The following MBNL1 variants were observed in gnomAD, a reference collection of about 807,000 sequenced individuals.
MBNL1 encodes the protein muscleblind-like protein 1.
Under a neutral mutation model 42.2 loss-of-function variants are expected in MBNL1, and 8 were observed. The observed-to-expected ratio is 0.19, with a 90% confidence interval of 0.11 to 0.34. The LOEUF (loss-of-function observed/expected upper bound fraction) is 0.34, where lower values mean the gene tolerates loss of function less well. Ranked by LOEUF, MBNL1 falls within the 10% of genes least tolerant of loss-of-function variation. The pLI, the probability that MBNL1 is intolerant of heterozygous loss-of-function variation, is 1.00. For synonymous variants in MBNL1, 169 were observed against 173.9 expected (o/e 0.97, Z 0.22); for missense variants, 309 against 495.3 (o/e 0.62, Z 3.57).
At chr3:152,374,201 T>A (rs2096799270) in intron 2 of MBNL1, among the ~76,000 whole-genome samples, 1 of 152,228 alleles carries the variant, frequency 6.6e-6, no homozygotes, top group Admixed American at 6.5e-5. Flanking sequence ...TGTACAGTGA[T>A]TTATTATTTG....
intron 2 of MBNL1, among the ~76,000 whole-genome samples, chr3:152,358,251 ACTT>A (rs2095668817): frequency 6.6e-6 from 1 of 152,148 alleles, no homozygotes; most frequent in Non-Finnish European, 1.5e-5. Flanking sequence ...AAGTTTATTC[ACTT>A]CTTATAAATA....
At chr3:152,432,973 T>C (rs2099025715) in intron 4 of MBNL1, 53 bp downstream of exon 4, 1 of 1,519,668 alleles carries the variant, frequency 6.6e-7, no homozygotes, top group African/African-American at 1.4e-5. Flanking sequence ...TCTCAAAGTG[T>C]GGTTTTTTGT....
intron 2 of MBNL1, among the ~76,000 whole-genome samples, chr3:152,352,200 A>G (rs1171444767): frequency 5.3e-5 from 8 of 152,362 alleles, no homozygotes; most frequent in South Asian, 2.1e-4. Flanking sequence ...GGAAAAATAG[A>G]AAGATAAGAC....
At chr3:152,426,491 A>T (rs2098933719) in intron 3 of MBNL1, among the ~76,000 whole-genome samples, 1 of 152,242 alleles carries the variant, frequency 6.6e-6, no homozygotes, top group Admixed American at 6.5e-5. Context: ...TAGGCTGTAT[A>T]TCATGGCTTG....
chr3:152,318,467 C>G lies in MBNL1; in HGVS notation c.174+18100C>G, dbSNP rs189390778. ...TTTTATTTCATTAGTACAAATAAAA[C>G]TGCATTTTATTTGTTCTAATGATAA... On this transcript the variant is annotated intron_variant, in intron 2 of 9. Transcript: ENST00000324210. 2.2e-3 allele frequency among the ~76,000 whole-genome samples: 336 copies of G among 152,172 alleles called. 1 individual carries two copies. The highest frequency in any genetic ancestry group is 7.7e-3 in the African/African-American group (320 of 41,532).
intron 2 of MBNL1, among the ~76,000 whole-genome samples, chr3:152,332,637 CAG>C (rs1305117493): frequency 6.6e-6 from 1 of 151,102 alleles, no homozygotes; most frequent in East Asian, 1.9e-4. Context: ...TAAATTCTGA[CAG>C]AGGGGAGGTG....
Position 152,261,176 on chromosome 3 carries a change from C to G in MBNL1, n.333+16736C>G, listed in dbSNP as rs892207295. 5.3e-5 allele frequency among the ~76,000 whole-genome samples: 8 copies of G among 152,178 alleles called. No individual in the cohort carries two copies. The East Asian group carries it at 1.5e-3, about 29-fold the overall frequency. ...AAAAAAGATACAGACGCTTGGATGCCCCTCCCAGAAATTTTGATTTAATTT... is the reference window on the plus strand; with the variant it reads ...AAAAAAGATACAGACGCTTGGATGCGCCTCCCAGAAATTTTGATTTAATTT... On this transcript the variant is annotated intron_variant and non_coding_transcript_variant, in intron 2 of 2. Coordinates refer to the MBNL1 transcript ENST00000477171.
Position 152,351,278 on chromosome 3 carries a change from A to C in MBNL1, c.174+50911A>C, listed in dbSNP as rs575189403. On this transcript the variant is annotated intron_variant, in intron 2 of 9. Coordinates refer to ENST00000324210, the MANE Select transcript of MBNL1 (RefSeq NM_021038.5). ...GTTAAATGCCATGGTTTATACCACT[A>C]TGTCAAACAAATGAGATTTCATTAT... 2.6e-5 allele frequency among the ~76,000 whole-genome samples: 4 copies of C among 152,328 alleles called. No homozygotes were observed. The South Asian group carries it at 8.3e-4, about 32-fold the overall frequency.
intron 2 of MBNL1, among the ~76,000 whole-genome samples, chr3:152,306,515 CAAA>C (rs1215684046): frequency 6.6e-6 from 1 of 152,176 alleles, no homozygotes; most frequent in Non-Finnish European, 1.5e-5. Flanking sequence ...TCCTTTTAAG[CAAA>C]GGTTCTCTGA....
intron 2 of MBNL1, among the ~76,000 whole-genome samples, chr3:152,346,303 T>C (rs2094224541): frequency 6.6e-6 from 1 of 152,136 alleles, no homozygotes; most frequent in African/African-American, 2.4e-5. Flanking sequence ...TCAAAATAGA[T>C]TGTGCATCTC....
intron 2 of MBNL1, among the ~76,000 whole-genome samples, chr3:152,355,418 T>A (rs1484824954): frequency 6.6e-6 from 1 of 152,190 alleles, no homozygotes; most frequent in African/African-American, 2.4e-5. Context: ...CAAATAAAAA[T>A]CAGAGTGAAT....
At chr3:152,347,349 G>A (rs1383864837) in intron 2 of MBNL1, among the ~76,000 whole-genome samples, 1 of 151,892 alleles carries the variant, frequency 6.6e-6, no homozygotes, top group African/African-American at 2.4e-5. Flanking sequence ...AGCATTAATT[G>A]ACACTTTAAA....
intron 2 of MBNL1, among the ~76,000 whole-genome samples, chr3:152,347,775 A>G (rs1204086337): frequency 6.6e-6 from 1 of 152,144 alleles, no homozygotes; most frequent in Non-Finnish European, 1.5e-5. Flanking sequence ...TAATAAAGAT[A>G]ATGCACAGCA....
intron 2 of MBNL1, among the ~76,000 whole-genome samples, chr3:152,342,553 A>AACACACACACACACACACAC (rs111644138): frequency 1.0e-3 from 151 of 146,104 alleles, no homozygotes; most frequent in African/African-American, 3.3e-3. Flanking sequence ...AACTAAACAA[A>AACACACACACACACACACAC]ACACACACAC....
At chr3:152,439,014 A>G (rs1329284712) in intron 4 of MBNL1, among the ~76,000 whole-genome samples, 1 of 152,182 alleles carries the variant, frequency 6.6e-6, no homozygotes. Flanking sequence ...AGCAGTCTAT[A>G]TGAGAAAAGC....
rs149804210 is a variant in MBNL1, at chr3:152,293,963, A to G, written c.-789-5442A>G. Among the ~76,000 whole-genome samples, 846 of 152,048 alleles carry G rather than the reference A, an allele frequency of 5.6e-3. 15 individuals are homozygous for G. The highest frequency in any genetic ancestry group is 0.049 in the East Asian group (255 of 5,188). The stretch of plus-strand genomic sequence containing the variant: ...TAGGCATTCATATGAAGCCATATAT[A>G]TATATATGTAATTTTTAAGAATAAT... On this transcript the variant is annotated intron_variant, in intron 1 of 9. Transcript: ENST00000324210.
At chr3:152,306,989 CTTAT>C (rs1386965277) in intron 2 of MBNL1, among the ~76,000 whole-genome samples, 3 of 152,052 alleles carry the variant, frequency 2.0e-5, no homozygotes, top group East Asian at 3.9e-4. Context: ...TATAACTGTA[CTTAT>C]TTATTTATTT....
chr3:152,312,352 T>C (rs566656079), intron 2 of MBNL1, among the ~76,000 whole-genome samples: 1 of 152,326 alleles, frequency 6.6e-6, no homozygotes, highest in Non-Finnish European at 1.5e-5. Flanking sequence ...GTGTTATAAG[T>C]GTCCTTTCCT....
rs1351476600 is a variant in MBNL1 at position 152,257,706 on chromosome 3, T to C, written n.333+13266T>C. Among the ~76,000 whole-genome samples the C allele has an allele frequency of 2.0e-5, 3 of 152,174 alleles. No individual in the cohort carries two copies. The East Asian group carries it at 5.8e-4, about 29-fold the overall frequency. ...GGAGTAAGAGCTTAAAAACACGAAG[T>C]AATGCCTGGAATAATCTCTTGACTT... On this transcript the variant is annotated intron_variant and non_coding_transcript_variant, in intron 2 of 2. Transcript: ENST00000477171.
Sources: gnomAD v4.1 joint callset for allele counts (sites outside exome capture counted in the v4.1 genomes callset) on GRCh38, gnomAD v4.1.1 for gene constraint, MANE v1.5 for transcripts, NCBI Gene and HGNC (gene_info 2026-07-23, HGNC 2026-07-21) for gene names.